Variants in NAPB observed in about 807,000 individuals in gnomAD.
NAPB encodes beta-soluble NSF attachment protein.
A neutral mutation model predicts 44.7 loss-of-function variants in NAPB; 26 were observed. The observed-to-expected ratio is 0.58, with a 90% CI of 0.43 to 0.81. The LOEUF (loss-of-function observed/expected upper bound fraction) is 0.81. NAPB is among the 30% of genes least tolerant of loss of function. The pLI is 0.00. For missense variants in NAPB, 315 were observed against 356.4 expected (o/e 0.88, Z 0.94); for synonymous variants, 120 against 116.8 (o/e 1.03, Z -0.18).
At chr20:23,378,421 A>C (rs1206051638) in intron 10 of NAPB, among the ~76,000 whole-genome samples, 4 of 148,894 alleles carry the variant, frequency 2.7e-5, no homozygotes, top group African/African-American at 9.8e-5. Flanking sequence ...TCATATTTTT[A>C]ATATATATAT....
chr20:23,410,281 A>T (rs1985561101), intron 1 of NAPB, among the ~76,000 whole-genome samples: 1 of 152,182 alleles, frequency 6.6e-6, no homozygotes, highest in Admixed American at 6.5e-5. Context: ...AAACTAAGAA[A>T]CCCATGAAGT....
chr20:23,391,134 A>T (rs1320231936), intron 5 of NAPB, among the ~76,000 whole-genome samples: 1 of 152,150 alleles, frequency 6.6e-6, no homozygotes, highest in Non-Finnish European at 1.5e-5. Context: ...ACATGGTGAA[A>T]CCCTGTCTCT....
At chr20:23,382,917 G>A (rs1383747851) in intron 7 of NAPB, among the ~76,000 whole-genome samples, 1 of 152,152 alleles carries the variant, frequency 6.6e-6, no homozygotes, top group Non-Finnish European at 1.5e-5. Context: ...CACTGTGGGA[G>A]GCCAAGGCAG....
intron 1 of NAPB, among the ~76,000 whole-genome samples, chr20:23,405,968 C>T (rs1000467738): frequency 2.2e-4 from 33 of 152,054 alleles, no homozygotes; most frequent in African/African-American, 7.7e-4. Flanking sequence ...AATTTAATCC[C>T]CAATGCAACA....
At chr20:23,379,300 A>G in intron 10 of NAPB, 145 bp downstream of exon 10, 1 of 596,032 alleles carries the variant, frequency 1.7e-6, no homozygotes, top group Non-Finnish European at 2.9e-6. Flanking sequence ...TGTGATATAT[A>G]AAAGGTGACG....
intron 7 of NAPB, among the ~76,000 whole-genome samples, chr20:23,383,038 C>T (rs960956758): frequency 6.6e-6 from 1 of 151,686 alleles, no homozygotes; most frequent in African/African-American, 2.4e-5. Context: ...ACCTGTAGTC[C>T]CAGCTACTTG....
At chr20:23,406,824 A>G (rs769561731) in intron 1 of NAPB, among the ~76,000 whole-genome samples, 7 of 152,246 alleles carry the variant, frequency 4.6e-5, no homozygotes, top group South Asian at 2.1e-4. Flanking sequence ...AAAGGTTTCT[A>G]AATAAAACTA....
In NAPB at chr20:23,381,224, A is replaced by C; in HGVS notation, c.655T>G (p.Leu219Val). 6.2e-7 allele frequency: 1 copy of C among 1,612,712 alleles called. No individual in the cohort carries two copies. Among genetic ancestry groups the C allele is most frequent in the Non-Finnish European group, 8.5e-7 (1 of 1,178,860 alleles). The change falls in exon 8 of 11, where the codon TTG (leucine) becomes GTG (valine). Residue 219 changes from leucine (L) to valine (V), a missense_variant. Around this residue, in one of 3 missense-constraint regions of NAPB, gnomAD observed 120 missense variants for 130.5 expected, o/e 0.92. Coordinates refer to ENST00000377026, the MANE Select transcript of NAPB (RefSeq NM_022080.3). ...GAAGAACTCCTTACCTTGGCATTCA[A>C]CTCGTCTACTATGAAGTGGCAGAGG... is the stretch of plus-strand genomic sequence containing the variant. The part of the protein sequence containing the change: ...AALCHFIVDE[L>V]NAKLALEKYE...
Position 23,390,229 on chromosome 20 carries a change from G to C in NAPB, c.456C>G (p.Tyr152Ter). ...CTTGCCTGTTGGATTCTTCTCCTTT[G>C]TAATAATCAGCAGATTGTTCATAAT... ...IAHYEQSADY[Y>*]KGEESNSSAN... Residue 152 changes from tyrosine (Y) to a stop codon, truncating the protein, a stop_gained, in exon 6 of 11, where the codon TAC becomes TAG. Coordinates refer to ENST00000377026, the MANE Select transcript of NAPB (RefSeq NM_022080.3). LOFTEE classifies it high-confidence loss of function. 1 of 1,610,716 alleles carries C rather than the reference G, an allele frequency of 6.2e-7. No individual in the cohort carries two copies. Among genetic ancestry groups the C allele is most frequent in the East Asian group, 2.2e-5 (1 of 44,860 alleles).
At chr20:23,410,912 C>T (rs1055631250) in intron 1 of NAPB, among the ~76,000 whole-genome samples, 3 of 152,088 alleles carry the variant, frequency 2.0e-5, no homozygotes, top group Non-Finnish European at 4.4e-5. Flanking sequence ...ATGATGAACT[C>T]TTGTTTCAAA....
At chr20:23,404,864 G>A (rs1054823251) in intron 1 of NAPB, among the ~76,000 whole-genome samples, 1 of 152,166 alleles carries the variant, frequency 6.6e-6, no homozygotes, top group African/African-American at 2.4e-5. Flanking sequence ...AAAATAACAA[G>A]AGTCAGGGAA....
intron 10 of NAPB, 73 bp from the exon 11 acceptor site, chr20:23,377,559 G>T: frequency 3.5e-6 from 3 of 866,874 alleles, no homozygotes; most frequent in Non-Finnish European, 5.3e-6. Context: ...AGTACCCCAA[G>T]CTGTTTATAC....
At chr20:23,398,199 T>C (rs73901827) in intron 2 of NAPB, among the ~76,000 whole-genome samples, 3,065 of 152,200 alleles carry the variant, frequency 0.02, 83 homozygotes, top group African/African-American at 0.07. Flanking sequence ...ATGAGTCACA[T>C]TGGGGAAGTC....
At chr20:23,380,939 G>T in intron 8 of NAPB, 1 of 311,746 alleles carries the variant, frequency 3.2e-6, no homozygotes, top group Non-Finnish European at 6.0e-6. Flanking sequence ...CCCCATTCAA[G>T]TACCAGGCTC....
intron 1 of NAPB, among the ~76,000 whole-genome samples, chr20:23,418,383 A>C (rs1338385586): frequency 6.6e-6 from 1 of 152,206 alleles, no homozygotes; most frequent in Non-Finnish European, 1.5e-5. Flanking sequence ...AAAGGTGATG[A>C]TACATGCCAT....
chr20:23,380,646 T>C, intron 8 of NAPB: 1 of 153,064 alleles, frequency 6.5e-6, no homozygotes, highest in Non-Finnish European at 1.5e-5. Flanking sequence ...CCTCAGCCTC[T>C]CAAGTAGCTG....
chr20:23,389,212 C>T (rs961937620), intron 7 of NAPB, among the ~76,000 whole-genome samples: 3 of 135,902 alleles, frequency 2.2e-5, no homozygotes, highest in Non-Finnish European at 4.6e-5. Flanking sequence ...ATTTCACACT[C>T]ATTAGGGTGA....
At chr20:23,415,575 C>A (rs1985944599) in intron 1 of NAPB, among the ~76,000 whole-genome samples, 1 of 152,104 alleles carries the variant, frequency 6.6e-6, no homozygotes, top group Admixed American at 6.5e-5. Flanking sequence ...GCCTGGGCAA[C>A]AGAGCAAGAC....
In NAPB at chr20:23,421,385, C is replaced by G; in HGVS notation, c.18G>C (p.Lys6Asn). ...CCATCAGCTGTACTGCCTCACGCTC[C>G]TTCCCCGCGTTGTCCATGTCGCCCG... MDNAG[K>N]EREAVQLMAE... Residue 6 changes from lysine to asparagine, a missense_variant, in exon 1 of 11, where the codon AAG becomes AAC. This residue lies in a region of NAPB where 179 missense variants were observed against 182.5 expected (regional missense o/e 0.98). Coordinates refer to ENST00000377026, the MANE Select transcript of NAPB (RefSeq NM_022080.3). 6.5e-7 allele frequency: 1 copy of G among 1,548,494 alleles called. No homozygotes were observed. Among genetic ancestry groups the G allele is most frequent in the Non-Finnish European group, 8.7e-7 (1 of 1,146,616 alleles).
Sources: allele counts gnomAD v4.1 joint callset (sites outside exome capture counted in the v4.1 genomes callset), GRCh38; gene constraint gnomAD v4.1.1; regional missense constraint gnomAD v4.1.1; transcripts MANE v1.5; gene names NCBI Gene and HGNC (gene_info 2026-07-23, HGNC 2026-07-21).